LRIF1: variants seen among roughly 807,000 people sequenced by gnomAD.
LRIF1 encodes the protein ligand dependent nuclear receptor interacting factor 1.
In LRIF1, 32 loss-of-function variants were observed where a neutral mutation model predicts 52.7. The observed-to-expected ratio is 0.61, with a 90% CI of 0.46 to 0.82. LRIF1 has a LOEUF of 0.82. Ranked by LOEUF, LRIF1 falls within the 40% of genes least tolerant of loss-of-function variation. The pLI, the probability that LRIF1 is intolerant of heterozygous loss-of-function variation, is 0.00. For synonymous variants in LRIF1, 323 were observed against 317.4 expected, an observed-to-expected ratio of 1.02 and a Z score of -0.19; for missense variants, 887 against 892.0, an observed-to-expected ratio of 0.99 and a Z score of 0.07.
At chr1:110,933,455 A>T in the LRIF1 span, among the ~76,000 whole-genome samples, 1 of 152,168 alleles carries the variant, frequency 6.6e-6, no homozygotes, top group Non-Finnish European at 1.5e-5. Context: ...AAAGCCTTGA[A>T]TCACTGACAC....
At chr1:110,935,020 G>A in the LRIF1 span, among the ~76,000 whole-genome samples, 43 of 152,212 alleles carry the variant, frequency 2.8e-4, no homozygotes, top group African/African-American at 1.0e-3. Context: ...GGAAGAAAGT[G>A]AGGAAAGAGA....
chr1:110,955,371 C>T (rs967379471), intron 1 of LRIF1, among the ~76,000 whole-genome samples: 1 of 152,180 alleles, frequency 6.6e-6, no homozygotes, highest in African/African-American at 2.4e-5. Context: ...ACTACAATAG[C>T]TTCATGACTG....
At chr1:110,943,346 G>A (rs915529323), downstream of LRIF1, 4 of 152,100 alleles carry the variant, frequency 2.6e-5, no homozygotes, top group Non-Finnish European at 5.9e-5. Context: ...AGTATTCAAG[G>A]CGCATTTCAG....
intron 3 of LRIF1, among the ~76,000 whole-genome samples, chr1:110,949,423 CT>C (rs1006521534): frequency 0.011 from 1,473 of 131,034 alleles, 10 homozygotes; most frequent in African/African-American, 0.028. Flanking sequence ...TGGCCTGGTT[CT>C]TTTTTTTTTT....
chr1:110,905,818 C>T, the LRIF1 span, among the ~76,000 whole-genome samples: 1 of 152,000 alleles, frequency 6.6e-6, no homozygotes, highest in African/African-American at 2.4e-5. Context: ...AAAATAATAA[C>T]TACAATAACT....
At chr1:110,897,049 T>C in the LRIF1 span, among the ~76,000 whole-genome samples, 1 of 152,204 alleles carries the variant, frequency 6.6e-6, no homozygotes, top group Non-Finnish European at 1.5e-5. Flanking sequence ...CTCCTTATGG[T>C]TAAAGTGAAA....
chr1:110,931,671 G>A, the LRIF1 span, among the ~76,000 whole-genome samples: 7 of 152,046 alleles, frequency 4.6e-5, no homozygotes, highest in Non-Finnish European at 7.4e-5. Context: ...TTAAATGCTC[G>A]CCATTCTAAC....
At chr1:110,921,883 G>A in the LRIF1 span, among the ~76,000 whole-genome samples, 2 of 152,202 alleles carry the variant, frequency 1.3e-5, no homozygotes, top group East Asian at 3.8e-4. Flanking sequence ...ATACAAACTT[G>A]TGTTATGAGG....
At chr1:110,940,184 A>C in the LRIF1 span, 3 of 152,202 alleles carry the variant, frequency 2.0e-5, no homozygotes, top group African/African-American at 7.2e-5. Context: ...TTGAATACAC[A>C]TTTCTCAAAA....
Position 110,950,062 on chromosome 1 carries a change from T to C in LRIF1, c.1658A>G (p.Asp553Gly). The C allele has an allele frequency of 6.2e-7, 1 of 1,614,050 alleles. No individual in the cohort carries two copies. The highest frequency in any genetic ancestry group is 8.5e-7 in the Non-Finnish European group (1 of 1,179,994). The change falls in exon 3 of 4, where the codon GAT becomes GGT. Residue 553 changes from aspartate (D) to glycine (G), a missense_variant. Coordinates refer to ENST00000369763, the MANE Select transcript of LRIF1 (RefSeq NM_018372.4). ...KGAQGRNDKKDSQGRSNKALH... is the reference protein window; with the variant it reads ...KGAQGRNDKKGSQGRSNKALH... ...TGCCTTATTACTTCTTCCTTGAGAA[T>C]CTTTCTTGTCATTTCTTCCTTGGGC...
At chr1:110,955,831 T>G (rs1382582580) in intron 1 of LRIF1, among the ~76,000 whole-genome samples, 1 of 152,140 alleles carries the variant, frequency 6.6e-6, no homozygotes, top group Non-Finnish European at 1.5e-5. Context: ...CCAGAACATA[T>G]GTAAATACTC....
chr1:110,907,519 G>A, the LRIF1 span, among the ~76,000 whole-genome samples: 1 of 152,058 alleles, frequency 6.6e-6, no homozygotes, highest in Admixed American at 6.5e-5. Context: ...GGAGGCCGAG[G>A]TCAGGAGTTC....
At chr1:110,941,105 C>T in the LRIF1 span, 3 of 151,866 alleles carry the variant, frequency 2.0e-5, no homozygotes, top group African/African-American at 2.4e-5. Flanking sequence ...ATATATACAC[C>T]TACTATGTAC....
chr1:110,876,983 T>C, the LRIF1 span, among the ~76,000 whole-genome samples: 1 of 152,178 alleles, frequency 6.6e-6, no homozygotes, highest in South Asian at 2.1e-4. Context: ...TGCATTCTCT[T>C]ATATAACTAC....
the LRIF1 span, chr1:110,899,549 C>G: frequency 4.8e-6 from 1 of 209,510 alleles, no homozygotes; most frequent in East Asian, 1.5e-4. Context: ...GAATTAGTCT[C>G]CAGCCTCTAA....
At chr1:110,940,882 TAGAA>T in the LRIF1 span, 1 of 152,088 alleles carries the variant, frequency 6.6e-6, no homozygotes, top group African/African-American at 2.4e-5. Context: ...TACATAAAAA[TAGAA>T]AGAATGAATA....
At chr1:110,914,539 A>C in the LRIF1 span, among the ~76,000 whole-genome samples, 1 of 152,160 alleles carries the variant, frequency 6.6e-6, no homozygotes, top group Non-Finnish European at 1.5e-5. Flanking sequence ...GGATCATCTG[A>C]GGTCAGGAGC....
chr1:110,926,065 G>A, the LRIF1 span, among the ~76,000 whole-genome samples: 11 of 152,126 alleles, frequency 7.2e-5, no homozygotes, highest in East Asian at 1.9e-3. Context: ...TGGTAAAAAT[G>A]TCATTTTCAC....
downstream of LRIF1, among the ~76,000 whole-genome samples, chr1:110,943,197 A>G (rs1658130124): frequency 6.6e-6 from 1 of 152,210 alleles, no homozygotes; most frequent in African/African-American, 2.4e-5. Flanking sequence ...TAGCAATATG[A>G]TAGTTATTGG....
Sources: allele counts gnomAD v4.1 joint callset (sites outside exome capture counted in the v4.1 genomes callset), GRCh38; gene constraint gnomAD v4.1.1; transcripts MANE v1.5; gene names NCBI Gene and HGNC (gene_info 2026-07-23, HGNC 2026-07-21).